Variants in PHACTR3 observed in about 807,000 individuals in gnomAD.
The protein encoded by PHACTR3 is phosphatase and actin regulator 3, also known as protein phosphatase 1, regulatory subunit 123.
PHACTR3 carries 16 observed loss-of-function variants against 66.8 expected under a neutral mutation model. The observed-to-expected ratio is 0.24, with a 90% CI of 0.16 to 0.36. The LOEUF is 0.36. Among genes scored for constraint, PHACTR3 ranks in the 10% least tolerant of loss-of-function variants. The pLI, the probability that PHACTR3 is intolerant of heterozygous loss-of-function variation, is 1.00. For synonymous variants in PHACTR3, 323 were observed against 292.1 expected (o/e 1.11, Z -1.08); for missense variants, 647 against 719.9 (o/e 0.90, Z 1.16).
chr20:59,712,887 C>T (rs1191190577), intron 1 of PHACTR3, among the ~76,000 whole-genome samples: 1 of 152,192 alleles, frequency 6.6e-6, no homozygotes, highest in African/African-American at 2.4e-5. Context: ...TTTCCAGTAG[C>T]CCATTTATAT....
intron 1 of PHACTR3, among the ~76,000 whole-genome samples, chr20:59,673,346 C>T (rs747455964): frequency 2.2e-4 from 33 of 152,178 alleles, no homozygotes; most frequent in Non-Finnish European, 4.4e-4. Flanking sequence ...TGGAAGCCCC[C>T]ATCAAAGTGA....
Position 59,661,078 on chromosome 20 carries a change from G to A in PHACTR3, c.118+55946G>A, listed in dbSNP as rs143634100. Reference sequence around the variant, plus strand: ...TTTCAGAATTTTAAAGTGGGCAGTGGATTATGCCAGTTTCTAGATCCTCCT... The same window carrying A: ...TTTCAGAATTTTAAAGTGGGCAGTGAATTATGCCAGTTTCTAGATCCTCCT... On this transcript the variant is annotated intron_variant, in intron 1 of 12. Transcript: ENST00000371015. 4.6e-3 allele frequency among the ~76,000 whole-genome samples: 695 copies of A among 152,318 alleles called. 1 individual carries two copies. Among genetic ancestry groups the A allele is most frequent in the African/African-American group, 0.014 (586 of 41,570 alleles).
chr20:59,812,648 C>T (rs973675342), intron 8 of PHACTR3, among the ~76,000 whole-genome samples: 10 of 152,190 alleles, frequency 6.6e-5, no homozygotes, highest in African/African-American at 7.2e-5. Flanking sequence ...ATGGGGCCTT[C>T]GTTCTGCTGT....
At chr20:59,701,575 A>G (rs934481387) in intron 1 of PHACTR3, among the ~76,000 whole-genome samples, 4 of 152,206 alleles carry the variant, frequency 2.6e-5, no homozygotes, top group African/African-American at 9.6e-5. Context: ...TAAAAAATAG[A>G]TTTTATTTTT....
chr20:59,608,053 C>T (rs1390264596), intron 1 of PHACTR3, among the ~76,000 whole-genome samples: 4 of 152,196 alleles, frequency 2.6e-5, no homozygotes, highest in African/African-American at 9.7e-5. Flanking sequence ...CGAATTCACA[C>T]TTTCCGTAAT....
intron 8 of PHACTR3, among the ~76,000 whole-genome samples, chr20:59,819,074 G>A (rs553785398): frequency 6.6e-6 from 1 of 152,160 alleles, no homozygotes; most frequent in Non-Finnish European, 1.5e-5. Flanking sequence ...CGGAGCCTCT[G>A]CTGAGTCTGA....
chr20:59,754,766 AGCAGGGAT>A (rs2039723823), intron 3 of PHACTR3, among the ~76,000 whole-genome samples: 1 of 152,268 alleles, frequency 6.6e-6, no homozygotes, highest in African/African-American at 2.4e-5. Flanking sequence ...AGGAGGGACG[AGCAGGGAT>A]GTGCAAGCAC....
intron 3 of PHACTR3, among the ~76,000 whole-genome samples, chr20:59,750,335 G>A (rs116953202): frequency 0.028 from 4,222 of 152,170 alleles, 78 homozygotes; most frequent in Non-Finnish European, 0.036. Flanking sequence ...ACCCTCCACC[G>A]CTCAGGCAGC....
chr20:59,786,605 G>A (rs140268380), intron 7 of PHACTR3, among the ~76,000 whole-genome samples: 8 of 152,336 alleles, frequency 5.3e-5, no homozygotes, highest in Admixed American at 5.2e-4. Context: ...AGGGGTATAT[G>A]GAGGGCCCTC....
chr20:59,675,169 C>G (rs1241660110), intron 1 of PHACTR3, among the ~76,000 whole-genome samples: 1 of 117,718 alleles, frequency 8.5e-6, no homozygotes, highest in Non-Finnish European at 1.7e-5. Context: ...TCCCTTCCCC[C>G]TCCTCCCCTC....
chr20:59,841,290 T>C (rs1364475154), intron 10 of PHACTR3, 105 bp from the exon 11 acceptor site: 3 of 1,215,876 alleles, frequency 2.5e-6, no homozygotes, highest in Non-Finnish European at 3.4e-6. Flanking sequence ...GTTTCAGGTT[T>C]TTTTTGTTTT....
chr20:59,613,044 C>T (rs562423718), intron 1 of PHACTR3, among the ~76,000 whole-genome samples: 9 of 152,164 alleles, frequency 5.9e-5, no homozygotes, highest in South Asian at 4.2e-4. Context: ...ATGAGGAATC[C>T]GCCCCCATGA....
At chr20:59,721,998 A>C (rs999879286) in intron 1 of PHACTR3, among the ~76,000 whole-genome samples, 1 of 152,144 alleles carries the variant, frequency 6.6e-6, no homozygotes, top group Non-Finnish European at 1.5e-5. Flanking sequence ...TGGGAGGCCG[A>C]TGCAGGCAGA....
At chr20:59,665,731 T>G (rs536362711) in intron 1 of PHACTR3, among the ~76,000 whole-genome samples, 1 of 152,130 alleles carries the variant, frequency 6.6e-6, no homozygotes, top group East Asian at 1.9e-4. Flanking sequence ...CTGTGTGGAC[T>G]GGAGGCTCAG....
intron 1 of PHACTR3, among the ~76,000 whole-genome samples, chr20:59,682,871 T>C (rs934577386): frequency 6.6e-6 from 1 of 151,954 alleles, no homozygotes; most frequent in African/African-American, 2.4e-5. Flanking sequence ...AGGGACATTG[T>C]AGGGAGGGGC....
At chr20:59,691,347 A>G (rs188606829) in intron 1 of PHACTR3, among the ~76,000 whole-genome samples, 78 of 152,324 alleles carry the variant, frequency 5.1e-4, no homozygotes, top group African/African-American at 1.8e-3. Flanking sequence ...AATGTGAGGG[A>G]CAGAGCCAAC....
intron 7 of PHACTR3, among the ~76,000 whole-genome samples, chr20:59,781,256 C>A (rs1262818312): frequency 6.6e-6 from 1 of 152,184 alleles, no homozygotes; most frequent in Non-Finnish European, 1.5e-5. Flanking sequence ...GAATTAATCA[C>A]CGGGGTCTAT....
chr20:59,835,946 C>A (rs984351231), intron 8 of PHACTR3: 1 of 152,284 alleles, frequency 6.6e-6, no homozygotes, highest in African/African-American at 2.4e-5. Flanking sequence ...TTTAGACACT[C>A]CCCCTGTGCT....
intron 7 of PHACTR3, among the ~76,000 whole-genome samples, chr20:59,785,472 A>G (rs912313810): frequency 1.3e-5 from 2 of 152,140 alleles, no homozygotes; most frequent in Admixed American, 6.6e-5. Flanking sequence ...AATGTGGGAG[A>G]CTGAGGCAGA....
Sources: gnomAD v4.1 joint callset for allele counts (sites outside exome capture counted in the v4.1 genomes callset) on GRCh38, gnomAD v4.1.1 for gene constraint, MANE v1.5 for transcripts, NCBI Gene and HGNC (gene_info 2026-07-23, HGNC 2026-07-21) for gene names.